PBRM1: variants seen among roughly 807,000 people sequenced by gnomAD.
The protein encoded by PBRM1 is polybromo 1, also known as protein polybromo-1.
PBRM1 carries 27 observed loss-of-function variants against 194.5 expected under a neutral mutation model. The ratio of observed to expected loss-of-function variants is 0.14; its 90% confidence interval spans 0.10 to 0.19. The LOEUF (loss-of-function observed/expected upper bound fraction) is 0.19, where lower values mean the gene tolerates loss of function less well. PBRM1 is among the 10% of genes least tolerant of loss of function. The pLI is 1.00. For missense variants in PBRM1, 1,466 were observed against 2,077.2 expected, an observed-to-expected ratio of 0.71 and a Z score of 5.72; for synonymous variants, 655 against 693.2, an observed-to-expected ratio of 0.94 and a Z score of 0.87.
intron 22 of PBRM1, among the ~76,000 whole-genome samples, chr3:52,567,611 A>G (rs1252357206): frequency 7.3e-5 from 11 of 151,104 alleles, no homozygotes; most frequent in Non-Finnish European, 1.5e-5. Context: ...AATGAAAAAG[A>G]AAAGAAGAAA....
rs139907714 is a variant in PBRM1, at chr3:52,640,463, G to A, written c.1087+1491C>T. Among the ~76,000 whole-genome samples, 508 of 152,036 alleles carry A rather than the reference G, an allele frequency of 3.3e-3. 7 individuals carry two copies. The highest frequency in any genetic ancestry group is 2.7e-3 in the East Asian group (14 of 5,166). On this transcript the variant is annotated intron_variant, in intron 10 of 29. Coordinates refer to ENST00000296302, the Ensembl canonical transcript of PBRM1. ...ATTTTGTATTTTTTGTAGAGACAGC[G>A]TTTTGCCATGTTGCCCAGGCTGGTC... is the stretch of plus-strand genomic sequence containing the variant.
intron 3 of PBRM1, among the ~76,000 whole-genome samples, chr3:52,663,762 A>G (rs2096772806): frequency 6.6e-6 from 1 of 152,206 alleles, no homozygotes; most frequent in Non-Finnish European, 1.5e-5. Flanking sequence ...AAAAATGTTT[A>G]AAAGTTGGGC....
intron 17 of PBRM1, among the ~76,000 whole-genome samples, chr3:52,594,119 C>A (rs144849823): frequency 6.6e-6 from 1 of 152,256 alleles, no homozygotes; most frequent in African/African-American, 2.4e-5. Context: ...TAGGCTCAAG[C>A]AATCCTCCTG....
chr3:52,678,563 C>T (rs1402616012), exon 2 of PBRM1: 13 of 1,613,158 alleles, frequency 8.1e-6, no homozygotes, highest in Non-Finnish European at 1.1e-5. Context: ...CTTATAGTCT[C>T]GGATGGTATT....
intron 5 of PBRM1, among the ~76,000 whole-genome samples, chr3:52,652,888 C>T (rs1044889090): frequency 6.6e-5 from 10 of 151,664 alleles, no homozygotes; most frequent in Non-Finnish European, 1.2e-4. Context: ...ATCCCAGCTA[C>T]TCAGGAGGCT....
chr3:52,675,449 C>T (rs1040489695), intron 2 of PBRM1, among the ~76,000 whole-genome samples: 2 of 152,130 alleles, frequency 1.3e-5, no homozygotes, highest in Non-Finnish European at 2.9e-5. Flanking sequence ...AATACTGATG[C>T]AAAATTTCTC....
At chr3:52,549,854 G>A (rs1559789271) in intron 29 of PBRM1, among the ~76,000 whole-genome samples, 2 of 151,674 alleles carry the variant, frequency 1.3e-5, no homozygotes, top group African/African-American at 4.8e-5. Flanking sequence ...GCAGTAAGTC[G>A]AGATTGTACC....
chr3:52,629,638 A>T lies in PBRM1; in HGVS notation c.1302-603T>A, dbSNP rs527236953. Among the ~76,000 whole-genome samples, 7 of 152,364 alleles carry T rather than the reference A, an allele frequency of 4.6e-5. No homozygotes were observed. The South Asian group carries it at 1.4e-3, about 32-fold the overall frequency. On this transcript the variant is annotated intron_variant, in intron 11 of 29. Transcript: ENST00000296302. ...CAGCTTAAAGCTGGGATTTTTACTT[A>T]AAAGTCTTAAGATTCCAAGTATCTC...
In PBRM1 at chr3:52,618,458, C is replaced by T. The variant is rs1047205533; in HGVS notation, c.1542-920G>A. ...AGCAATGATCTTCCGATATGGCTTC[C>T]GGTTAACTATTCTTATGTACTCAGG... is the stretch of plus-strand genomic sequence containing the variant. On this transcript the variant is annotated intron_variant, in intron 13 of 29. Coordinates refer to ENST00000296302, the Ensembl canonical transcript of PBRM1. Among the ~76,000 whole-genome samples, 3 of 152,104 alleles carry T rather than the reference C, an allele frequency of 2.0e-5. 1 individual carries two copies. Among genetic ancestry groups the T allele is most frequent in the South Asian group, 4.1e-4 (2 of 4,826 alleles).
chr3:52,566,123 G>A (rs549231393), intron 22 of PBRM1, among the ~76,000 whole-genome samples: 2 of 151,774 alleles, frequency 1.3e-5, no homozygotes, highest in East Asian at 1.9e-4. Flanking sequence ...AAATCAAAAC[G>A]GCAATGTAAT....
intron 8 of PBRM1, among the ~76,000 whole-genome samples, chr3:52,643,577 C>A (rs2096189344): frequency 6.6e-6 from 1 of 152,156 alleles, no homozygotes. Flanking sequence ...GGACCTGGTA[C>A]TGAAACAATG....
intron 22 of PBRM1, among the ~76,000 whole-genome samples, chr3:52,576,112 A>T (rs566006298): frequency 6.6e-6 from 1 of 152,244 alleles, no homozygotes; most frequent in South Asian, 2.1e-4. Context: ...AAATGTACCA[A>T]CGTTAAGTAT....
chr3:52,603,055 G>C (rs1361523078), intron 17 of PBRM1, among the ~76,000 whole-genome samples: 2 of 152,150 alleles, frequency 1.3e-5, no homozygotes, highest in Admixed American at 1.3e-4. Context: ...ACATTTTATA[G>C]TTTGATACAA....
intron 25 of PBRM1, among the ~76,000 whole-genome samples, chr3:52,559,461 C>T (rs2082939681): frequency 6.6e-6 from 1 of 152,056 alleles, no homozygotes; most frequent in African/African-American, 2.4e-5. Context: ...ATAGAAGATC[C>T]CCCCACTCAT....
intron 5 of PBRM1, among the ~76,000 whole-genome samples, chr3:52,654,799 A>C (rs1246545927): frequency 2.0e-5 from 3 of 152,058 alleles, no homozygotes; most frequent in African/African-American, 7.2e-5. Context: ...AGCGAGAGAG[A>C]GAAAAAGAGA....
chr3:52,646,627 CCAAGACAATT>C (rs67337908), intron 7 of PBRM1, among the ~76,000 whole-genome samples: 68,612 of 151,344 alleles, frequency 0.45, 15,833 homozygotes, highest in African/African-American at 0.52. Flanking sequence ...AACAAAGTTG[CCAAGACAATT>C]CAAGACAATT....
intron 21 of PBRM1, among the ~76,000 whole-genome samples, chr3:52,577,217 G>C (rs1458326548): frequency 1.3e-5 from 2 of 152,096 alleles, no homozygotes; most frequent in African/African-American, 4.8e-5. Flanking sequence ...AATCACGTGA[G>C]CTCAGGAGTT....
At chr3:52,663,535 T>G (rs1023186274) in intron 3 of PBRM1, among the ~76,000 whole-genome samples, 8 of 152,186 alleles carry the variant, frequency 5.3e-5, no homozygotes, top group Non-Finnish European at 7.4e-5. Flanking sequence ...CATTTCTGGA[T>G]GAAACCAACT....
chr3:52,586,617 G>A (rs1416500812), exon 20 of PBRM1: 1 of 1,613,640 alleles, frequency 6.2e-7, no homozygotes, highest in Non-Finnish European at 8.5e-7. Flanking sequence ...ATTTGGTTTT[G>A]GCAGAATACC....
Sources: allele counts gnomAD v4.1 joint callset (sites outside exome capture counted in the v4.1 genomes callset), GRCh38; gene constraint gnomAD v4.1.1; transcripts MANE v1.5; gene names NCBI Gene and HGNC (gene_info 2026-07-23, HGNC 2026-07-21).